Variants in WWTR1 observed in about 807,000 individuals in gnomAD.
WWTR1 encodes WW domain containing transcription regulator 1, also known as WW domain-containing transcription regulator protein 1.
Under a neutral mutation model 40.1 loss-of-function variants are expected in WWTR1, and 13 were observed. The ratio of observed to expected loss-of-function variants is 0.32; its 90% CI spans 0.21 to 0.52. The LOEUF is 0.52. Among genes scored for constraint, WWTR1 ranks in the 20% least tolerant of loss-of-function variants. The probability of loss-of-function intolerance (pLI) is 0.97; values close to 1 mark genes in which losing one functional copy is unlikely to be tolerated. For synonymous variants in WWTR1, 230 were observed against 210.1 expected, an observed-to-expected ratio of 1.09 and a Z score of -0.82; for missense variants, 436 against 523.1, an observed-to-expected ratio of 0.83 and a Z score of 1.63.
intron 1 of WWTR1, among the ~76,000 whole-genome samples, chr3:149,685,785 C>A (rs1309343422): frequency 6.6e-6 from 1 of 152,078 alleles, no homozygotes; most frequent in African/African-American, 2.4e-5. Flanking sequence ...GCAGAGTAGA[C>A]GTTATCATTT....
chr3:149,624,386 C>G (rs1037007295), intron 2 of WWTR1, among the ~76,000 whole-genome samples: 4 of 152,216 alleles, frequency 2.6e-5, no homozygotes, highest in Non-Finnish European at 5.9e-5. Flanking sequence ...CCAACCTTGG[C>G]CTCACTTGGT....
chr3:149,580,763 C>A (rs1738114852), intron 2 of WWTR1, among the ~76,000 whole-genome samples: 1 of 152,150 alleles, frequency 6.6e-6, no homozygotes, highest in Admixed American at 6.5e-5. Flanking sequence ...TAGGCGTGTG[C>A]CACCACACCT....
chr3:149,636,761 CCTA>C (rs1711837423), intron 2 of WWTR1, among the ~76,000 whole-genome samples: 1 of 150,574 alleles, frequency 6.6e-6, no homozygotes, highest in South Asian at 2.1e-4. Flanking sequence ...TAAATGAATC[CCTA>C]CTATGCATGC....
chr3:149,613,837 C>T (rs73155021), intron 2 of WWTR1, among the ~76,000 whole-genome samples: 8,279 of 152,202 alleles, frequency 0.054, 334 homozygotes, highest in Non-Finnish European at 0.081. Flanking sequence ...TGAGCCACTA[C>T]ACCCAGCTGG....
At chr3:149,553,842 A>C (rs1736713806) in intron 3 of WWTR1, among the ~76,000 whole-genome samples, 1 of 152,154 alleles carries the variant, frequency 6.6e-6, no homozygotes, top group Non-Finnish European at 1.5e-5. Context: ...GTCAGGTGTC[A>C]CGCAGCCCTG....
rs181645321 is a variant in WWTR1 at position 149,701,136 on chromosome 3, C to A, written c.-108+1988G>T. 5.1e-4 allele frequency among the ~76,000 whole-genome samples: 77 copies of A among 151,480 alleles called. No individual in the cohort carries two copies. In the East Asian group the frequency reaches 0.012, roughly 24 times the overall value. ...CCCTGTCCTGATTTTAAAAGCCTTT[C>A]TTTTTTTTTCTTTTCTTTTTTTAGG... On this transcript the variant is annotated intron_variant, in intron 1 of 7. Transcript: ENST00000465804.
At chr3:149,594,527 T>G (rs1034864499) in intron 2 of WWTR1, among the ~76,000 whole-genome samples, 1 of 152,298 alleles carries the variant, frequency 6.6e-6, no homozygotes, top group East Asian at 1.9e-4. Context: ...TGTGAAAAAT[T>G]TTAACCTAAT....
intron 2 of WWTR1, among the ~76,000 whole-genome samples, chr3:149,603,561 G>T (rs185710863): frequency 1.3e-4 from 17 of 132,902 alleles, no homozygotes; most frequent in African/African-American, 4.8e-4. Flanking sequence ...CCCCCCCCTT[G>T]TACTCCACTC....
intron 5 of WWTR1, among the ~76,000 whole-genome samples, chr3:149,715,908 T>G (rs75057355): frequency 0.019 from 2,947 of 152,148 alleles, 102 homozygotes; most frequent in African/African-American, 0.067. Flanking sequence ...TAAAAAGTCT[T>G]GTTTGGTTTG....
At chr3:149,573,052 A>G in intron 2 of WWTR1, 52 bp from the exon 3 acceptor site, 1 of 1,515,194 alleles carries the variant, frequency 6.6e-7, no homozygotes, top group Non-Finnish European at 8.9e-7. Context: ...CATCATTATC[A>G]TCATCACCAA....
intron 3 of WWTR1, among the ~76,000 whole-genome samples, chr3:149,557,544 C>A (rs1019123850): frequency 6.6e-6 from 1 of 152,160 alleles, no homozygotes; most frequent in Non-Finnish European, 1.5e-5. Flanking sequence ...TATAACAGAG[C>A]ATATTATCTT....
At chr3:149,543,229 A>AT (rs949406060) in intron 3 of WWTR1, among the ~76,000 whole-genome samples, 1 of 152,208 alleles carries the variant, frequency 6.6e-6, no homozygotes, top group African/African-American at 2.4e-5. Context: ...AATATTTTCA[A>AT]TTTTTTTAAA....
chr3:149,628,852 C>A (rs145843063), intron 2 of WWTR1, among the ~76,000 whole-genome samples: 1 of 152,046 alleles, frequency 6.6e-6, no homozygotes, highest in East Asian at 1.9e-4. Context: ...CAGCTCACTA[C>A]AGCCTCGACC....
intron 5 of WWTR1, among the ~76,000 whole-genome samples, chr3:149,714,789 G>T (rs1715562433): frequency 6.6e-6 from 1 of 152,170 alleles, no homozygotes; most frequent in Non-Finnish European, 1.5e-5. Context: ...AACGTGTGGT[G>T]CTTTTCCCTG....
chr3:149,613,828 G>C (rs1294232227), intron 2 of WWTR1, among the ~76,000 whole-genome samples: 2 of 152,104 alleles, frequency 1.3e-5, no homozygotes, highest in African/African-American at 4.8e-5. Flanking sequence ...TTAGTGGTGT[G>C]AGCCACTACA....
intron 3 of WWTR1, among the ~76,000 whole-genome samples, chr3:149,569,808 AG>A (rs549323645): frequency 1.5e-4 from 23 of 152,146 alleles, no homozygotes; most frequent in Non-Finnish European, 2.8e-4. Context: ...TTTAAGAAGA[AG>A]GAAGAGTGGG....
In WWTR1 at chr3:149,568,523, C is replaced by CAAAAAAA. The variant is rs34414853; in HGVS notation, c.568+4334_568+4340dup. Among the ~76,000 whole-genome samples the CAAAAAAA allele has an allele frequency of 3.1e-3, 198 of 64,798 alleles. 43 individuals are homozygous for CAAAAAAA. Among genetic ancestry groups the CAAAAAAA allele is most frequent in the Non-Finnish European group, 4.0e-3 (128 of 31,612 alleles). The allele number at this position is 64,798 out of a possible 152,430, so 42.5% of individuals were successfully genotyped here. ...GGAGATGGCTATTTGAATTAAAGTG[C>CAAAAAAA]AAAAAAAAAAAAAAAAAAAAAAAAA... On this transcript the variant is annotated intron_variant, in intron 3 of 6. Coordinates refer to ENST00000360632, the MANE Select transcript of WWTR1 (RefSeq NM_015472.6).
At chr3:149,702,293 C>G (rs190931373) in intron 1 of WWTR1, 2 of 152,222 alleles carry the variant, frequency 1.3e-5, no homozygotes, top group African/African-American at 4.8e-5. Flanking sequence ...ACAATGAACA[C>G]TGTACAAACA....
Position 149,520,734 on chromosome 3 carries a change from G to A in WWTR1, c.*71C>T. On this transcript the variant is annotated 3_prime_UTR_variant, in exon 7 of 7. Transcript: ENST00000360632. ...AGTGGTGCACCTGCAGACTTGCTCT[G>A]CTCCATCACTTTTTCCAAGAGGCCC... 7.0e-7 allele frequency: 1 copy of A among 1,421,672 alleles called. No individual in the cohort carries two copies. Among genetic ancestry groups the A allele is most frequent in the African/African-American group, 1.5e-5 (1 of 68,366 alleles). 88.1% of individuals were successfully genotyped at this position (1,421,672 alleles called of 1,614,324 possible). A position where few individuals can be genotyped will look rare whatever the true frequency, so the allele number is the denominator to read the frequency against.
Sources: allele counts gnomAD v4.1 joint callset (sites outside exome capture counted in the v4.1 genomes callset), GRCh38; gene constraint gnomAD v4.1.1; transcripts MANE v1.5; gene names NCBI Gene and HGNC (gene_info 2026-07-23, HGNC 2026-07-21).